Variants in RNF123 observed in about 807,000 individuals in gnomAD.
RNF123 encodes the protein E3 ubiquitin-protein ligase RNF123.
In RNF123, 86 loss-of-function variants were observed where a neutral mutation model predicts 168.5. That is an observed-to-expected ratio of 0.51 (90% CI 0.43 to 0.61). The LOEUF is 0.61. Ranked by LOEUF, RNF123 falls within the 20% of genes least tolerant of loss-of-function variation. RNF123 has a pLI of 0.00. For synonymous variants in RNF123, 666 were observed against 689.1 expected (o/e 0.97, Z 0.52); for missense variants, 1,419 against 1,729.7 (o/e 0.82, Z 3.19).
At chr3:49,693,212 C>T (rs1257722861) in intron 3 of RNF123, among the ~76,000 whole-genome samples, 1 of 151,920 alleles carries the variant, frequency 6.6e-6, no homozygotes, top group African/African-American at 2.4e-5. Flanking sequence ...CCATGCCCAG[C>T]TAATTTTTTG....
chr3:49,695,087 G>A (rs2054241562), intron 3 of RNF123, among the ~76,000 whole-genome samples: 1 of 152,226 alleles, frequency 6.6e-6, no homozygotes, highest in Non-Finnish European at 1.5e-5. Flanking sequence ...GACTTTTGGG[G>A]TCAGGTACAA....
At position 49,715,593 on chromosome 3, in the gene RNF123, T is replaced by A; in HGVS notation, c.3029T>A (p.Leu1010Gln). ...CCTGCAGAGCCCTGCCCTTCCACCC[T>A]GCTGCAGCAGCACATGGCGGACCTC... Reference protein sequence around the residue: ...PSLQKPCPSTLLQQHMADLLQ... With the variant: ...PSLQKPCPSTQLQQHMADLLQ... The change falls in exon 32 of 39, where the codon CTG becomes CAG. Residue 1010 changes from leucine to glutamine, a missense_variant. Physicochemically the swap from Leu to Gln is moderately radical, Grantham distance 113. Transcript: ENST00000327697. The A allele has an allele frequency of 6.2e-7, 1 of 1,614,030 alleles. No homozygotes were observed. Among genetic ancestry groups the A allele is most frequent in the Non-Finnish European group, 8.5e-7 (1 of 1,179,952 alleles).
rs1266069817 is a variant in RNF123 at position 49,699,366 on chromosome 3, G to T, written c.765-102G>T. ...AGTGGGCAAGTTGTGATGCAAACCA[G>T]CCCTGCCCTAGAGCCCAGGCCCCGG... is the stretch of plus-strand genomic sequence containing the variant. On this transcript the variant is annotated intron_variant, in intron 10 of 38. Coordinates refer to ENST00000327697, the MANE Select transcript of RNF123 (RefSeq NM_022064.5). This position sits in a 1 kb window ranked among gnomAD's most constrained non-coding sequence, Gnocchi z 4.8. 6 of 1,098,194 alleles carry T rather than the reference G, an allele frequency of 5.5e-6. No homozygotes were observed. The highest frequency in any genetic ancestry group is 6.6e-6 in the Non-Finnish European group (5 of 753,518). 68.0% of individuals were successfully genotyped at this position (1,098,194 alleles called of 1,614,324 possible). A position where few individuals can be genotyped will look rare whatever the true frequency, so the allele number is the denominator to read the frequency against.
chr3:49,702,598 G>A, intron 19 of RNF123, 35 bp from the exon 20 acceptor site: 1 of 1,614,186 alleles, frequency 6.2e-7, no homozygotes, highest in Non-Finnish European at 8.5e-7. Context: ...GCACTGGACT[G>A]GCACCAATGC....
chr3:49,716,153 C>T lies in RNF123; in HGVS notation c.3391C>T (p.Arg1131Cys), dbSNP rs1284025671. ...RVTAERNLFD[R>C]VVTLRLPGLE... Reference sequence around the variant, plus strand: ...GACAGCTGAGAGGAACCTGTTTGATCGTGTGGTCACCCTACGGCTGCCTGG... The same window carrying T: ...GACAGCTGAGAGGAACCTGTTTGATTGTGTGGTCACCCTACGGCTGCCTGG... Residue 1131 changes from arginine (R) to cysteine (C), a missense_variant, in exon 34 of 39, where the codon CGT (arginine) becomes TGT (cysteine). Arg to Cys is a radical substitution (Grantham distance 180). Transcript: ENST00000327697. 4.3e-6 allele frequency: 7 copies of T among 1,613,638 alleles called. No individual in the cohort carries two copies. The highest frequency in any genetic ancestry group is 1.7e-5 in the Admixed American group (1 of 59,994).
In RNF123 at chr3:49,700,575, C is replaced by T; in HGVS notation, c.1203+11C>T. 1.2e-6 allele frequency: 2 copies of T among 1,614,194 alleles called. No homozygotes were observed. On this transcript the variant is annotated intron_variant, in intron 14 of 38. Coordinates refer to ENST00000327697, the MANE Select transcript of RNF123 (RefSeq NM_022064.5). ...GACCTGGGCCTACAGGTGGGAGCCC[C>T]TACCCCTGCCCTGAGCCCCCTGGGA...
chr3:49,704,065 G>T (rs144365800), intron 21 of RNF123, among the ~76,000 whole-genome samples: 126 of 152,350 alleles, frequency 8.3e-4, no homozygotes, highest in Non-Finnish European at 1.4e-3. Flanking sequence ...CAGAGGTTGT[G>T]TGGATGGGGT....
At chr3:49,718,972 C>G in intron 35 of RNF123, 4 of 1,613,828 alleles carry the variant, frequency 2.5e-6, no homozygotes, top group Non-Finnish European at 3.4e-6. Flanking sequence ...TTCGTTGCAG[C>G]CCAGGTAGAG....
chr3:49,716,099 C>T lies in RNF123; in HGVS notation c.3340-3C>T. On this transcript the variant is annotated splice_polypyrimidine_tract_variant and splice_region_variant and intron_variant, in intron 33 of 38. Coordinates refer to ENST00000327697, the MANE Select transcript of RNF123 (RefSeq NM_022064.5). Reference sequence around the variant, plus strand: ...CACCAATGGACTCCTGCTCCCCTCACAGCTGCTAAACCAGGTGCTGAACCG... The same window carrying T: ...CACCAATGGACTCCTGCTCCCCTCATAGCTGCTAAACCAGGTGCTGAACCG... 6.2e-7 allele frequency: 1 copy of T among 1,613,838 alleles called. No homozygotes were observed. The highest frequency in any genetic ancestry group is 8.5e-7 in the Non-Finnish European group (1 of 1,179,986).
In RNF123 at chr3:49,715,979, C is replaced by G. The variant is rs2080236104; in HGVS notation, c.3308C>G (p.Thr1103Ser). Residue 1103 changes from threonine (T) to serine (S), a missense_variant, in exon 33 of 39, where the codon ACC (threonine) becomes AGC (serine). Physicochemically the swap from Thr to Ser is moderately conservative, Grantham distance 58. Around this residue, in one of 5 missense-constraint regions of RNF123, gnomAD observed 538 missense variants for 708.8 expected, o/e 0.76. Transcript: ENST00000327697. Reference sequence around the variant, plus strand: ...ATATTCCTTGACTGGACCCGGCCTACCTCTGAGATGCTGCTGCGGCGTCTT... The same window carrying G: ...ATATTCCTTGACTGGACCCGGCCTAGCTCTGAGATGCTGCTGCGGCGTCTT... ...PEIFLDWTRPTSEMLLRRLAQ... is the reference protein window; with the variant it reads ...PEIFLDWTRPSSEMLLRRLAQ... The G allele has an allele frequency of 6.2e-7, 1 of 1,614,004 alleles. No homozygotes were observed. Among genetic ancestry groups the G allele is most frequent in the Non-Finnish European group, 8.5e-7 (1 of 1,180,034 alleles).
intron 35 of RNF123, 194 bp from the exon 36 acceptor site, chr3:49,720,317 G>GAAAA (rs370438853): frequency 1.7e-4 from 57 of 345,130 alleles, no homozygotes; most frequent in Admixed American, 2.2e-4. Flanking sequence ...CTCGTCTCAA[G>GAAAA]AAAAAAAAAA....
At chr3:49,702,950 C>T (rs867326153) in intron 20 of RNF123, among the ~76,000 whole-genome samples, 197 bp downstream of exon 20, 5 of 152,180 alleles carry the variant, frequency 3.3e-5, no homozygotes, top group African/African-American at 4.8e-5. Context: ...GCAGGCCTGC[C>T]GATCCTGTGT....
chr3:49,715,486 C>A, intron 31 of RNF123, 89 bp from the exon 32 acceptor site: 1 of 1,521,888 alleles, frequency 6.6e-7, no homozygotes, highest in South Asian at 1.2e-5. Flanking sequence ...TGTCCTTATA[C>A]CAAAGCCTCA....
At chr3:49,691,790 A>C (rs1263112875) in intron 3 of RNF123, among the ~76,000 whole-genome samples, 3 of 152,232 alleles carry the variant, frequency 2.0e-5, no homozygotes, top group Admixed American at 1.3e-4. Context: ...CTCCATACCC[A>C]GCATCTGCCC....
Position 49,713,797 on chromosome 3 carries a change from C to G in RNF123, c.2809C>G (p.Arg937Gly). ...ASYVCYPHSL[R>G]AVERIPEEQR... ...CTACGTGTGCTACCCACACTCCCTGCGGGCTGTGGAGCGAATCCCCGAGGA... is the reference window on the plus strand; with the variant it reads ...CTACGTGTGCTACCCACACTCCCTGGGGGCTGTGGAGCGAATCCCCGAGGA... The change falls in exon 29 of 39, where the codon CGG becomes GGG. Residue 937 changes from arginine (R) to glycine (G), a missense_variant. Physicochemically the swap from Arg to Gly is moderately radical, Grantham distance 125. Coordinates refer to ENST00000327697, the MANE Select transcript of RNF123 (RefSeq NM_022064.5). The G allele has an allele frequency of 6.2e-7, 1 of 1,612,298 alleles. No homozygotes were observed. Among genetic ancestry groups the G allele is most frequent in the Non-Finnish European group, 8.5e-7 (1 of 1,179,434 alleles).
chr3:49,712,518 C>G lies in RNF123; in HGVS notation c.2536C>G (p.Leu846Val), dbSNP rs768867342. The change falls in exon 27 of 39, where the codon CTG (leucine) becomes GTG (valine). Residue 846 changes from leucine to valine, a missense_variant. By Grantham distance (32) the Leu-to-Val change is conservative (BLOSUM62 1). Transcript: ENST00000327697. ...LDIYWLLRVCLRTIEHGDRTG... is the reference protein window; with the variant it reads ...LDIYWLLRVCVRTIEHGDRTG... ...CATCTACTGGCTGCTGCGCGTCTGC[C>G]TGCGGACCATTGAGCACGGTGATCG... 1.2e-6 allele frequency: 2 copies of G among 1,614,080 alleles called. No homozygotes were observed. The highest frequency in any genetic ancestry group is 1.7e-6 in the Non-Finnish European group (2 of 1,180,050).
At chr3:49,701,147 G>T (rs2054374086) in intron 15 of RNF123, among the ~76,000 whole-genome samples, 1 of 152,218 alleles carries the variant, frequency 6.6e-6, no homozygotes, top group Non-Finnish European at 1.5e-5. Context: ...TTGGTCTGGG[G>T]TCTTCCAGCC....
Position 49,721,442 on chromosome 3 carries a change from T to C in RNF123, c.*137T>C. The C allele has an allele frequency of 3.3e-6, 4 of 1,201,382 alleles. No homozygotes were observed. Among genetic ancestry groups the C allele is most frequent in the South Asian group, 1.2e-5 (1 of 82,174 alleles). 74.4% of individuals were successfully genotyped at this position (1,201,382 alleles called of 1,614,324 possible). ...ACCTCCTTGCCTGCCTGTATCCTCATTGGTGGGAGCCCAGCCATGGCCCTA... is the reference window on the plus strand; with the variant it reads ...ACCTCCTTGCCTGCCTGTATCCTCACTGGTGGGAGCCCAGCCATGGCCCTA... On this transcript the variant is annotated 3_prime_UTR_variant, in exon 39 of 39. Transcript: ENST00000327697.
Position 49,713,414 on chromosome 3 carries a change from A to G in RNF123, c.2675-99A>G, listed in dbSNP as rs1484312463. 5 of 1,184,658 alleles carry G rather than the reference A, an allele frequency of 4.2e-6. No individual in the cohort carries two copies. In the African/African-American group the frequency reaches 7.6e-5, roughly 18 times the overall value. The allele number at this position is 1,184,658 out of a possible 1,614,324, so 73.4% of individuals were successfully genotyped here. A position where few individuals can be genotyped will look rare whatever the true frequency, so the allele number is the denominator to read the frequency against. ...TGGGTCCAGGCTGGCCTTGGGAGCC[A>G]GCTCTAGAGCCTGCTACCCAAGTCC... On this transcript the variant is annotated intron_variant, in intron 27 of 38. Coordinates refer to ENST00000327697, the MANE Select transcript of RNF123 (RefSeq NM_022064.5).
Sources: allele counts gnomAD v4.1 joint callset (sites outside exome capture counted in the v4.1 genomes callset), GRCh38; gene constraint gnomAD v4.1.1; regional missense constraint gnomAD v4.1.1; non-coding constraint Gnocchi (gnomAD v3.1); transcripts MANE v1.5; gene names NCBI Gene and HGNC (gene_info 2026-07-23, HGNC 2026-07-21).